Variants in FAM3A observed in about 807,000 individuals in gnomAD.
The protein encoded by FAM3A is FAM3 metabolism regulating signaling molecule A, also known as protein FAM3A.
Under a neutral mutation model 18.1 loss-of-function variants are expected in FAM3A, and 5 were observed. That is an observed-to-expected ratio of 0.28 (90% CI 0.14 to 0.58). The LOEUF is 0.58. Among genes scored for constraint, FAM3A ranks in the 20% least tolerant of loss-of-function variants. FAM3A has a pLI of 0.91. For missense variants in FAM3A, 154 were observed against 216.6 expected, an observed-to-expected ratio of 0.71 and a Z score of 1.81; for synonymous variants, 108 against 90.2, an observed-to-expected ratio of 1.20 and a Z score of -1.12.
chrX:154,514,222 G>C (rs1307820345), intron 1 of FAM3A, among the ~76,000 whole-genome samples: 4 of 111,426 alleles, frequency 3.6e-5, no homozygotes, highest in Non-Finnish European at 5.7e-5. Flanking sequence ...GCTGCCTTCT[G>C]GTCCCTACCT....
intron 2 of FAM3A, chrX:154,512,257 T>TAAGAAGAAG (rs1484962151): frequency 6.4e-6 from 1 of 155,897 alleles, no homozygotes; most frequent in Non-Finnish European, 1.1e-5. Context: ...ATAATAATAA[T>TAAGAAGAAG]AATAATAATA....
chrX:154,507,496 G>C lies in FAM3A; in HGVS notation c.386-6C>G. The C allele has an allele frequency of 8.3e-7, 1 of 1,207,733 alleles. No homozygotes were observed. The highest frequency in any genetic ancestry group is 1.1e-6 in the Non-Finnish European group (1 of 893,688). ...CTTCAACAGGTCGTTGACATCTGGG[G>C]GGGCAGGTGCCACGGAACAGGGGTC... is the stretch of plus-strand genomic sequence containing the variant. On this transcript the variant is annotated splice_region_variant and splice_polypyrimidine_tract_variant and intron_variant, in intron 6 of 8. Coordinates refer to ENST00000447601, the MANE Select transcript of FAM3A (RefSeq NM_021806.4).
At position 154,507,479 on chromosome X, in the gene FAM3A, G is replaced by A. The variant is rs201216170; in HGVS notation, c.397C>T (p.Leu133=). 1.1e-5 allele frequency: 13 copies of A among 1,208,474 alleles called. No homozygotes were observed. Among genetic ancestry groups the A allele is most frequent in the Non-Finnish European group, 1.5e-5 (13 of 894,722 alleles). The part of the protein sequence containing the change: ...FDMWAGDVND[L]LKFIRPLHEG... ...TGCAGTGGCCGAATAAACTTCAACA[G>A]GTCGTTGACATCTGGGGGGGCAGGT... Residue 133 remains leucine (L), a synonymous_variant, in exon 7 of 9, where the codon CTG becomes TTG. Coordinates refer to ENST00000447601, the MANE Select transcript of FAM3A (RefSeq NM_021806.4).
In FAM3A at chrX:154,507,504, T is replaced by C; in HGVS notation, c.386-14A>G. 2 of 1,203,343 alleles carry C rather than the reference T, an allele frequency of 1.7e-6. No individual in the cohort carries two copies. Among genetic ancestry groups the C allele is most frequent in the Non-Finnish European group, 2.2e-6 (2 of 890,820 alleles). On this transcript the variant is annotated splice_polypyrimidine_tract_variant and intron_variant, in intron 6 of 8. Transcript: ENST00000447601. ...GGTCGTTGACATCTGGGGGGGCAGG[T>C]GCCACGGAACAGGGGTCATCAGGCA...
At chrX:154,512,985 C>T (rs1557223808) in intron 1 of FAM3A, 49 bp from the exon 2 acceptor site, 2 of 866,273 alleles carry the variant, frequency 2.3e-6, no homozygotes, top group Non-Finnish European at 3.4e-6. Flanking sequence ...TACCAGCGAA[C>T]CCCAGAATGA....
At chrX:154,512,324 A>G in intron 2 of FAM3A, 1 of 261,195 alleles carries the variant, frequency 3.8e-6, no homozygotes, top group Non-Finnish European at 6.9e-6. Flanking sequence ...CTGTAGTCTC[A>G]GCTACTCGGG....
At chrX:154,513,678 C>T (rs920153063) in intron 1 of FAM3A, among the ~76,000 whole-genome samples, 13 of 109,812 alleles carry the variant, frequency 1.2e-4, no homozygotes, top group African/African-American at 3.6e-4. Context: ...ACAACAGTCC[C>T]GTCATCTGCT....
At chrX:154,507,103 G>C (rs782466177) in intron 8 of FAM3A, 100 bp downstream of exon 8, 28 of 1,067,570 alleles carry the variant, frequency 2.6e-5, no homozygotes, top group Non-Finnish European at 3.4e-5. Context: ...ACTGGGGACG[G>C]TCCCCTGCTG....
At chrX:154,509,943 C>T (rs187162007) in intron 3 of FAM3A, 2 of 112,585 alleles carry the variant, frequency 1.8e-5, no homozygotes, top group African/African-American at 6.4e-5. Context: ...CTTTAAGAGA[C>T]TGTTGGTAGG....
intron 8 of FAM3A, 121 bp downstream of exon 8, chrX:154,507,082 C>G: frequency 9.8e-7 from 1 of 1,019,416 alleles, no homozygotes; most frequent in Non-Finnish European, 1.3e-6. Flanking sequence ...TGGCCCACCC[C>G]TCATAGCTGG....
chrX:154,506,790 C>T lies in FAM3A; in HGVS notation c.*21G>A. ...CTCCCTTGGTCTGGCCTCCCTCGGCCCGGTCCTGGCACTGGCCGTGCTAGC... is the reference window on the plus strand; with the variant it reads ...CTCCCTTGGTCTGGCCTCCCTCGGCTCGGTCCTGGCACTGGCCGTGCTAGC... On this transcript the variant is annotated 3_prime_UTR_variant, in exon 9 of 9. Transcript: ENST00000447601. 8.3e-7 allele frequency: 1 copy of T among 1,197,638 alleles called. No homozygotes were observed. The highest frequency in any genetic ancestry group is 1.1e-6 in the Non-Finnish European group (1 of 883,161).
At chrX:154,508,370 G>GGGGGCCCCCCCCCCCCCCCCCCCC in intron 4 of FAM3A, 23 bp from the exon 5 acceptor site, 1 of 317,091 alleles carries the variant, frequency 3.2e-6, no homozygotes, top group Non-Finnish European at 5.5e-6. Flanking sequence ...GGGTGGGGGG[G>GGGGGCCCCCCCCCCCCCCCCCCCC]ACGGGGAGAT....
At chrX:154,507,599 T>G in intron 6 of FAM3A, 109 bp from the exon 7 acceptor site, 1 of 907,404 alleles carries the variant, frequency 1.1e-6, no homozygotes, top group Non-Finnish European at 1.5e-6. Flanking sequence ...GCCTGGGACA[T>G]GCCCCGCCAA....
In FAM3A at chrX:154,506,632, C is replaced by T. The variant is rs1480209985; in HGVS notation, c.*179G>A. On this transcript the variant is annotated 3_prime_UTR_variant, in exon 9 of 9. Transcript: ENST00000447601. ...TGCGGCAGGGCTACCCCCTGCAGCCCCCATAGCCCCCACCACCTTGAGACC... is the reference window on the plus strand; with the variant it reads ...TGCGGCAGGGCTACCCCCTGCAGCCTCCATAGCCCCCACCACCTTGAGACC... 2.5e-5 allele frequency: 11 copies of T among 440,931 alleles called. No homozygotes were observed. Among genetic ancestry groups the T allele is most frequent in the African/African-American group, 7.4e-5 (3 of 40,772 alleles). The allele number at this position is 440,931 out of a possible 1,213,427, so 36.3% of individuals were successfully genotyped here.
chrX:154,508,142 T>C (rs2069660435), intron 5 of FAM3A, 147 bp downstream of exon 5: 1 of 476,003 alleles, frequency 2.1e-6, no homozygotes, highest in Admixed American at 4.1e-5. Flanking sequence ...GTCACTCCTC[T>C]GTGGAGCCTT....
intron 2 of FAM3A, chrX:154,512,254 TAATAATAATAATAAGAAG>T (rs1258864470): frequency 1.4e-5 from 2 of 139,566 alleles, no homozygotes; most frequent in African/African-American, 1.4e-4. Context: ...ATAATAATAA[TAATAATAATAATAAGAAG>T]AAGAAGAAGA....
In FAM3A at chrX:154,511,732, C is replaced by T. The variant is rs1557222766; in HGVS notation, c.151+116G>A. On this transcript the variant is annotated intron_variant, in intron 3 of 8. Transcript: ENST00000447601. ...TAGGTTGACAGTGGCAAGCAGCCCC[C>T]GTGGACCACCACAGCTGGTTTGGGG... is the stretch of plus-strand genomic sequence containing the variant. 11 of 693,850 alleles carry T rather than the reference C, an allele frequency of 1.6e-5. No individual in the cohort carries two copies. The South Asian group carries it at 1.6e-4, about 10-fold the overall frequency. 57.2% of individuals were successfully genotyped at this position (693,850 alleles called of 1,213,427 possible).
In FAM3A at chrX:154,506,386, C is replaced by T; in HGVS notation, c.*425G>A. 1.4e-5 allele frequency: 2 copies of T among 139,659 alleles called. No homozygotes were observed. The highest frequency in any genetic ancestry group is 2.0e-4 in the South Asian group (1 of 4,933). The allele number at this position is 139,659 out of a possible 1,213,427, so 11.5% of individuals were successfully genotyped here. ...AATCACACTGGAAACATGTTTAGCC[C>T]GCAGTGCAGAGTGGCTCCAGAAGGG... is the stretch of plus-strand genomic sequence containing the variant. On this transcript the variant is annotated 3_prime_UTR_variant, in exon 9 of 9. Coordinates refer to ENST00000447601, the MANE Select transcript of FAM3A (RefSeq NM_021806.4).
At chrX:154,507,934 G>T in intron 5 of FAM3A, 73 bp from the exon 6 acceptor site, 1 of 934,663 alleles carries the variant, frequency 1.1e-6, no homozygotes, top group Non-Finnish European at 1.5e-6. Context: ...GTAGCACCGG[G>T]GGTGGGGGGC....
Sources: allele counts gnomAD v4.1 joint callset (sites outside exome capture counted in the v4.1 genomes callset), GRCh38; gene constraint gnomAD v4.1.1; transcripts MANE v1.5; gene names NCBI Gene and HGNC (gene_info 2026-07-23, HGNC 2026-07-21).